Variants in LIN28B observed in about 807,000 individuals in gnomAD.
LIN28B encodes the protein protein lin-28 homolog B.
LIN28B carries 5 observed loss-of-function variants against 21.9 expected under a neutral mutation model. The observed-to-expected ratio is 0.23, with a 90% CI of 0.12 to 0.48. The LOEUF is 0.48. Among genes scored for constraint, LIN28B ranks in the 20% least tolerant of loss-of-function variants. The pLI, the probability that LIN28B is intolerant of heterozygous loss-of-function variation, is 0.98. For missense variants in LIN28B, 245 were observed against 310.5 expected (o/e 0.79, Z 1.58); for synonymous variants, 109 against 111.3 (o/e 0.98, Z 0.13).
At chr6:104,981,337 A>G (rs1470261793) in intron 2 of LIN28B, among the ~76,000 whole-genome samples, 2 of 152,206 alleles carry the variant, frequency 1.3e-5, no homozygotes, top group African/African-American at 4.8e-5. Flanking sequence ...GCTGGCTGCT[A>G]ACAGAAATTG....
intron 2 of LIN28B, among the ~76,000 whole-genome samples, chr6:105,012,146 A>G (rs1770936052): frequency 6.6e-6 from 1 of 151,880 alleles, no homozygotes. Flanking sequence ...TGACAGAGCA[A>G]GACTCCGTCT....
Position 104,991,210 on chromosome 6 carries a change from C to T in LIN28B, c.198+32924C>T, listed in dbSNP as rs1045778944. On this transcript the variant is annotated intron_variant, in intron 2 of 3. Transcript: ENST00000345080. ...AGACGCCCCCCACCTCCCTCCCAGACGGGGTGGCTGGCCGGGCGGGGGCTG... is the reference window on the plus strand; with the variant it reads ...AGACGCCCCCCACCTCCCTCCCAGATGGGGTGGCTGGCCGGGCGGGGGCTG... 4.7e-5 allele frequency among the ~76,000 whole-genome samples: 7 copies of T among 148,514 alleles called. No homozygotes were observed. In the East Asian group the frequency reaches 6.5e-4, roughly 14 times the overall value.
intron 2 of LIN28B, among the ~76,000 whole-genome samples, chr6:105,020,747 C>CTTT (rs1176851045): frequency 1.8e-3 from 152 of 85,412 alleles, no homozygotes; most frequent in Middle Eastern, 0.012. Context: ...TCATTCCACT[C>CTTT]TTTTTTTTTT....
chr6:104,941,202 C>G (rs1400843652), intron 2 of LIN28B: 1 of 152,216 alleles, frequency 6.6e-6, no homozygotes, highest in Non-Finnish European at 1.5e-5. Context: ...GGGGAAGTGA[C>G]AGGTCTCGCA....
intron 2 of LIN28B, among the ~76,000 whole-genome samples, chr6:105,013,119 C>A (rs922385153): frequency 2.6e-5 from 4 of 152,058 alleles, no homozygotes; most frequent in African/African-American, 9.7e-5. Flanking sequence ...AGGTTCGATT[C>A]TCCTGCCTCA....
chr6:105,053,382 G>GGTGTGTGTGTGT (rs112180054), intron 3 of LIN28B, among the ~76,000 whole-genome samples: 15 of 146,644 alleles, frequency 1.0e-4, no homozygotes, highest in Admixed American at 2.7e-4. Flanking sequence ...TATGTCTTAT[G>GGTGTGTGTGTGT]GTGTGTGTGT....
In LIN28B at chr6:105,026,293, T is replaced by C. The variant is rs1771285884; in HGVS notation, c.199-5T>C. ...TTCTCCCCCACCCTCTTCTGCTCTT[T>C]ACAGAGCAAACTATTCATGGAAGGA... is the stretch of plus-strand genomic sequence containing the variant. On this transcript the variant is annotated splice_polypyrimidine_tract_variant and splice_region_variant and intron_variant, in intron 2 of 3. Transcript: ENST00000345080. The C allele has an allele frequency of 6.3e-7, 1 of 1,577,578 alleles. No individual in the cohort carries two copies. The highest frequency in any genetic ancestry group is 8.6e-7 in the Non-Finnish European group (1 of 1,162,172).
At chr6:104,976,808 A>G (rs1168124005) in intron 2 of LIN28B, among the ~76,000 whole-genome samples, 1 of 152,170 alleles carries the variant, frequency 6.6e-6, no homozygotes, top group Admixed American at 6.5e-5. Flanking sequence ...GAAGGGCAAA[A>G]GGGAAGGAGG....
chr6:105,061,488 G>A (rs1029487014), intron 3 of LIN28B, among the ~76,000 whole-genome samples: 2 of 151,850 alleles, frequency 1.3e-5, no homozygotes, highest in East Asian at 3.9e-4. Context: ...AGCTTCTTCT[G>A]CTATTTATTT....
At chr6:104,944,277 C>G (rs535830654) in intron 2 of LIN28B, among the ~76,000 whole-genome samples, 1 of 152,206 alleles carries the variant, frequency 6.6e-6, no homozygotes, top group South Asian at 2.1e-4. Context: ...GAGGTTTTCT[C>G]TTTCTTTGAA....
At position 105,066,259 on chromosome 6, in the gene LIN28B, A is replaced by G. The variant is rs116429311; in HGVS notation, c.384-12155A>G. Among the ~76,000 whole-genome samples, 672 of 152,300 alleles carry G rather than the reference A, an allele frequency of 4.4e-3. 9 individuals carry two copies. The highest frequency in any genetic ancestry group is 0.015 in the African/African-American group (631 of 41,558). Reference sequence around the variant, plus strand: ...TCAGTAGTCAGTCAGCCATACACCAATAGAGAGGTGTTTTAACATTCTGTC... The same window carrying G: ...TCAGTAGTCAGTCAGCCATACACCAGTAGAGAGGTGTTTTAACATTCTGTC... On this transcript the variant is annotated intron_variant, in intron 3 of 3. Coordinates refer to ENST00000345080, the MANE Select transcript of LIN28B (RefSeq NM_001004317.4).
intron 2 of LIN28B, among the ~76,000 whole-genome samples, chr6:104,981,027 G>C (rs934756410): frequency 2.0e-5 from 3 of 152,080 alleles, no homozygotes; most frequent in Middle Eastern, 3.2e-3. Context: ...ACCACAACAG[G>C]TTCTGGAACA....
chr6:104,947,364 T>A (rs1323342531), intron 2 of LIN28B, among the ~76,000 whole-genome samples: 2 of 152,196 alleles, frequency 1.3e-5, no homozygotes, highest in Admixed American at 1.3e-4. Flanking sequence ...CCTCAAGTGA[T>A]CCACCTGCCT....
chr6:104,957,349 C>CG, intron 1 of LIN28B, 89 bp downstream of exon 1: 1 of 800,820 alleles, frequency 1.2e-6, no homozygotes, highest in Non-Finnish European at 1.9e-6. Context: ...AGACCGTCCC[C>CG]CCCTTCCCCT....
At position 104,979,822 on chromosome 6, in the gene LIN28B, A is replaced by G. The variant is rs570422496; in HGVS notation, c.198+21536A>G. On this transcript the variant is annotated intron_variant, in intron 2 of 3. Transcript: ENST00000345080. ...AATTATATTTGTAGATGAAGTATAC[A>G]TCTTTAAAAATGAGTAAACCTGATA... is the stretch of plus-strand genomic sequence containing the variant. Among the ~76,000 whole-genome samples, 6 of 152,342 alleles carry G rather than the reference A, an allele frequency of 3.9e-5. No individual in the cohort carries two copies. The South Asian group carries it at 6.2e-4, about 16-fold the overall frequency.
chr6:104,962,850 A>G (rs965055589), intron 2 of LIN28B, among the ~76,000 whole-genome samples: 1 of 152,172 alleles, frequency 6.6e-6, no homozygotes, highest in African/African-American at 2.4e-5. Context: ...CAATTAAAAA[A>G]AATTAGACAT....
rs144393333 is a variant in LIN28B at position 105,078,753 on chromosome 6, G to A, written c.723G>A (p.Gly241=). 43 of 1,613,362 alleles carry A rather than the reference G, an allele frequency of 2.7e-5. No homozygotes were observed. The African/African-American group carries it at 5.7e-4, about 22-fold the overall frequency. ...CACCAGAAGAGCAAAGCAAAAAGGG[G>A]CCTTCAGTTCAAAAAAGGAAAAAGA... ...SIAPEEQSKK[G]PSVQKRKKT The change falls in exon 4 of 4, where the codon GGG becomes GGA. Residue 241 remains glycine, a synonymous_variant. Coordinates refer to ENST00000345080, the MANE Select transcript of LIN28B (RefSeq NM_001004317.4).
intron 3 of LIN28B, among the ~76,000 whole-genome samples, chr6:105,071,792 AATTT>A (rs1320241934): frequency 6.6e-6 from 1 of 152,148 alleles, no homozygotes; most frequent in Non-Finnish European, 1.5e-5. Context: ...TTTTGACTGG[AATTT>A]TATTGAGTGA....
At chr6:104,976,947 A>G (rs1034367699) in intron 2 of LIN28B, among the ~76,000 whole-genome samples, 1 of 152,194 alleles carries the variant, frequency 6.6e-6, no homozygotes, top group Non-Finnish European at 1.5e-5. Context: ...CAGAAGTTGC[A>G]TTGCCTATTT....
Sources: gnomAD v4.1 joint callset for allele counts (sites outside exome capture counted in the v4.1 genomes callset) on GRCh38, gnomAD v4.1.1 for gene constraint, MANE v1.5 for transcripts, NCBI Gene and HGNC (gene_info 2026-07-23, HGNC 2026-07-21) for gene names.